PRDM16: variants seen among roughly 807,000 people sequenced by gnomAD.
PRDM16 encodes the protein PR/SET domain 16.
A neutral mutation model predicts 110.6 loss-of-function variants in PRDM16; 23 were observed. The ratio of observed to expected loss-of-function variants is 0.21; its 90% CI spans 0.15 to 0.29. The LOEUF (loss-of-function observed/expected upper bound fraction) is 0.29. Among genes scored for constraint, PRDM16 ranks in the 10% least tolerant of loss-of-function variants. The pLI, the probability that PRDM16 is intolerant of heterozygous loss-of-function variation, is 1.00. For missense variants in PRDM16, 1,615 were observed against 1,794.3 expected, an observed-to-expected ratio of 0.90 and a Z score of 1.81; for synonymous variants, 799 against 781.8, an observed-to-expected ratio of 1.02 and a Z score of -0.37.
At chr1:3,282,140 C>T (rs146715524) in intron 3 of PRDM16, among the ~76,000 whole-genome samples, 3 of 152,350 alleles carry the variant, frequency 2.0e-5, no homozygotes, top group African/African-American at 7.2e-5. Flanking sequence ...GAAAAGCTTC[C>T]GAACCTTGAC....
In PRDM16 at chr1:3,245,444, G is replaced by T. The variant is rs1365699855; in HGVS notation, c.438+1307G>T. On this transcript the variant is annotated intron_variant, in intron 3 of 16. Coordinates refer to ENST00000270722, the MANE Select transcript of PRDM16 (RefSeq NM_022114.4). This position sits in a 1 kb window ranked among gnomAD's most constrained non-coding sequence, Gnocchi z 4.7. Reference sequence around the variant, plus strand: ...TTCAACCCCAGATACATTGATTTTGGAGAAAGCATGGCAATGGAGACTTTT... The same window carrying T: ...TTCAACCCCAGATACATTGATTTTGTAGAAAGCATGGCAATGGAGACTTTT... Among the ~76,000 whole-genome samples, 1 of 152,278 alleles carries T rather than the reference G, an allele frequency of 6.6e-6. No homozygotes were observed. The highest frequency in any genetic ancestry group is 1.5e-5 in the Non-Finnish European group (1 of 68,022).
chr1:3,425,545 G>T lies in PRDM16; in HGVS notation c.2940-36G>T, dbSNP rs41303861. 310,000 of 1,599,292 alleles carry T rather than the reference G, an allele frequency of 0.19. 32,243 individuals are homozygous for T. Among genetic ancestry groups the T allele is most frequent in the Middle Eastern group, 0.26 (1,547 of 5,984 alleles). ...GTGGCCCGGCCTGCCATGCAGAGCC[G>T]GGGCCTGCACTGAGGAGCGCGTGTG... On this transcript the variant is annotated intron_variant, in intron 12 of 16. Coordinates refer to ENST00000270722, the MANE Select transcript of PRDM16 (RefSeq NM_022114.4). The surrounding 1 kb of genome is among the most constrained non-coding windows in gnomAD (Gnocchi z 6.9).
Position 3,350,517 on chromosome 1 carries a change from C to T in PRDM16, c.439-34635C>T, listed in dbSNP as rs1284917363. ...ATAATGTGTGTTAAGATCAAGGGCCCCGGGCTGATGTGGCCTCCCAGCAGC... is the reference window on the plus strand; with the variant it reads ...ATAATGTGTGTTAAGATCAAGGGCCTCGGGCTGATGTGGCCTCCCAGCAGC... On this transcript the variant is annotated intron_variant, in intron 3 of 16. Coordinates refer to ENST00000270722, the MANE Select transcript of PRDM16 (RefSeq NM_022114.4). The surrounding 1 kb of genome is among the most constrained non-coding windows in gnomAD (Gnocchi z 7.1). Among the ~76,000 whole-genome samples the T allele has an allele frequency of 6.6e-6, 1 of 152,110 alleles. No individual in the cohort carries two copies. The highest frequency in any genetic ancestry group is 1.5e-5 in the Non-Finnish European group (1 of 68,012).
rs1183883966 is a variant in PRDM16, at chr1:3,350,217, T to A, written c.439-34935T>A. ...GGCATGTGCTGGTAGTTCCAGCTAC[T>A]CAGGAGGCTGAGGCAGGAGGATCGC... On this transcript the variant is annotated intron_variant, in intron 3 of 16. Transcript: ENST00000270722. This position sits in a 1 kb window ranked among gnomAD's most constrained non-coding sequence, Gnocchi z 7.1. Among the ~76,000 whole-genome samples, 1 of 152,206 alleles carries A rather than the reference T, an allele frequency of 6.6e-6. No individual in the cohort carries two copies. Among genetic ancestry groups the A allele is most frequent in the Non-Finnish European group, 1.5e-5 (1 of 68,036 alleles).
chr1:3,386,525 T>C (rs1643202793), intron 4 of PRDM16, among the ~76,000 whole-genome samples: 2 of 152,210 alleles, frequency 1.3e-5, no homozygotes, highest in South Asian at 4.1e-4. Flanking sequence ...GACATGAATC[T>C]ACGCTACTAC....
chr1:3,383,453 C>T (rs2100602657), intron 3 of PRDM16, among the ~76,000 whole-genome samples: 1 of 152,332 alleles, frequency 6.6e-6, no homozygotes, highest in Non-Finnish European at 1.5e-5. Context: ...AGGCCCTCTG[C>T]CTGTCTCTGC....
chr1:3,305,679 G>A (rs1320775670), intron 3 of PRDM16, among the ~76,000 whole-genome samples: 1 of 152,252 alleles, frequency 6.6e-6, no homozygotes, highest in Non-Finnish European at 1.5e-5. Context: ...CGTGGAAAAC[G>A]GTGGGGAATT....
intron 3 of PRDM16, among the ~76,000 whole-genome samples, chr1:3,261,572 A>G (rs1158886255): frequency 6.6e-6 from 1 of 152,184 alleles, no homozygotes; most frequent in Non-Finnish European, 1.5e-5. Context: ...CCTGGAGCAC[A>G]GGCATTGAAC....
intron 3 of PRDM16, among the ~76,000 whole-genome samples, chr1:3,340,896 G>A (rs562486008): frequency 4.6e-5 from 7 of 152,188 alleles, no homozygotes; most frequent in East Asian, 3.9e-4. Context: ...ATTGGGGGCC[G>A]TGCTGCAGCA....
intron 12 of PRDM16, among the ~76,000 whole-genome samples, chr1:3,419,139 C>G (rs1046258525): frequency 1.3e-5 from 2 of 152,214 alleles, no homozygotes; most frequent in Non-Finnish European, 2.9e-5. Context: ...CATCTCACGA[C>G]GGCCATAGCT....
intron 8 of PRDM16, among the ~76,000 whole-genome samples, chr1:3,406,675 C>T (rs1253160956): frequency 1.3e-5 from 2 of 152,046 alleles, no homozygotes; most frequent in African/African-American, 4.8e-5. Flanking sequence ...CCCAGGAATT[C>T]GAGGCTGCAG....
Position 3,382,794 on chromosome 1 carries a change from G to A in PRDM16, c.439-2358G>A, listed in dbSNP as rs772337933. 3.3e-5 allele frequency among the ~76,000 whole-genome samples: 5 copies of A among 152,132 alleles called. No homozygotes were observed. Among genetic ancestry groups the A allele is most frequent in the African/African-American group, 4.8e-5 (2 of 41,422 alleles). ...GGTCCCAGGTGGGAGGGCACGGCCC[G>A]CCCTGGGTGAGCACCAGCCCTCAGC... On this transcript the variant is annotated intron_variant, in intron 3 of 16. Coordinates refer to ENST00000270722, the MANE Select transcript of PRDM16 (RefSeq NM_022114.4). This position sits in a 1 kb window ranked among gnomAD's most constrained non-coding sequence, Gnocchi z 6.6.
intron 1 of PRDM16, among the ~76,000 whole-genome samples, chr1:3,176,972 T>TC (rs1644098444): frequency 6.6e-6 from 1 of 150,414 alleles, no homozygotes; most frequent in South Asian, 2.1e-4. Flanking sequence ...ATCCATCCAT[T>TC]AACCCATCCA....
chr1:3,121,118 G>A (rs1444735692), intron 1 of PRDM16, among the ~76,000 whole-genome samples: 1 of 152,100 alleles, frequency 6.6e-6, no homozygotes, highest in Admixed American at 6.5e-5. Flanking sequence ...TGAGGAGTCA[G>A]CGGAGGCTGA....
At chr1:3,109,111 A>G (rs1207602319) in intron 1 of PRDM16, among the ~76,000 whole-genome samples, 2 of 135,674 alleles carry the variant, frequency 1.5e-5, no homozygotes, top group East Asian at 4.6e-4. Flanking sequence ...TAATAATAAT[A>G]ATAATGTCAA....
chr1:3,380,712 C>T (rs1253186122), intron 3 of PRDM16, among the ~76,000 whole-genome samples: 1 of 152,240 alleles, frequency 6.6e-6, no homozygotes. Context: ...GTACTCAGGC[C>T]GCACGCAAAT....
chr1:3,114,163 ACG>A (rs1359772301), intron 1 of PRDM16, among the ~76,000 whole-genome samples: 1 of 112,440 alleles, frequency 8.9e-6, no homozygotes, highest in Non-Finnish European at 2.0e-5. Flanking sequence ...GCACACACAC[ACG>A]CACACACACG....
intron 1 of PRDM16, among the ~76,000 whole-genome samples, chr1:3,140,498 C>T (rs191624984): frequency 1.3e-5 from 2 of 152,278 alleles, no homozygotes; most frequent in Admixed American, 6.5e-5. Context: ...AGAACCGGCC[C>T]CGACCATGGT....
At chr1:3,410,468 C>G (rs2493296) in intron 8 of PRDM16, among the ~76,000 whole-genome samples, 1 of 152,098 alleles carries the variant, frequency 6.6e-6, no homozygotes, top group African/African-American at 2.4e-5. Flanking sequence ...GGCTCCTGCC[C>G]GGGGTGACCT....
Sources: gnomAD v4.1 joint callset for allele counts (sites outside exome capture counted in the v4.1 genomes callset) on GRCh38, gnomAD v4.1.1 for gene constraint, Gnocchi (gnomAD v3.1) non-coding constraint, MANE v1.5 for transcripts, NCBI Gene and HGNC (gene_info 2026-07-23, HGNC 2026-07-21) for gene names.